The following KIF3C variants were observed in gnomAD, a reference collection of about 807,000 sequenced individuals.
KIF3C encodes kinesin family member 3C.
KIF3C carries 12 observed loss-of-function variants against 67.7 expected under a neutral mutation model. The ratio of observed to expected loss-of-function variants is 0.18; its 90% CI spans 0.11 to 0.29. KIF3C has a LOEUF of 0.29. Among genes scored for constraint, KIF3C ranks in the 10% least tolerant of loss-of-function variants. The pLI, the probability that KIF3C is intolerant of heterozygous loss-of-function variation, is 1.00. For synonymous variants in KIF3C, 393 were observed against 426.2 expected, an observed-to-expected ratio of 0.92 and a Z score of 0.96; for missense variants, 789 against 1,059.6, an observed-to-expected ratio of 0.74 and a Z score of 3.55.
Position 25,982,402 on chromosome 2 carries a change from C to T in KIF3C, c.-485G>A, listed in dbSNP as rs73920220. 17 of 398,542 alleles carry T rather than the reference C, an allele frequency of 4.3e-5. No homozygotes were observed. Among genetic ancestry groups the T allele is most frequent in the Non-Finnish European group, 7.5e-5 (17 of 226,082 alleles). 24.7% of individuals were successfully genotyped at this position (398,542 alleles called of 1,614,324 possible). A position where few individuals can be genotyped will look rare whatever the true frequency, so the allele number is the denominator to read the frequency against. On this transcript the variant is annotated 5_prime_UTR_variant, in exon 1 of 8. The change creates a premature stop within an existing upstream ORF in the 5' untranslated region. Transcript: ENST00000264712. The stretch of plus-strand genomic sequence containing the variant: ...CAGAGGCTCACCTGGAGTCCTCCCC[C>T]CAAGCTGGGGGATCATTCATTGCAG...
intron 1 of KIF3C, among the ~76,000 whole-genome samples, chr2:25,976,885 T>C (rs1000983677): frequency 1.3e-5 from 2 of 152,238 alleles, no homozygotes; most frequent in Non-Finnish European, 2.9e-5. Flanking sequence ...CTGCAGTATG[T>C]ATACTGCGCA....
At position 25,980,286 on chromosome 2, in the gene KIF3C, C is replaced by T. The variant is rs114716666; in HGVS notation, c.1545+87G>A. On this transcript the variant is annotated intron_variant, in intron 1 of 7. Coordinates refer to ENST00000264712, the MANE Select transcript of KIF3C (RefSeq NM_002254.8). This position sits in a 1 kb window ranked among gnomAD's most constrained non-coding sequence, Gnocchi z 7.6. The stretch of plus-strand genomic sequence containing the variant: ...GCTGAGGGAGAACCTCCACTTCAGG[C>T]CAGGTCACAGACTCTCAAAGAAGAG... 1.3e-3 allele frequency: 1,433 copies of T among 1,112,120 alleles called. 11 individuals are homozygous for T. The African/African-American group carries it at 0.021, about 16-fold the overall frequency. The allele number at this position is 1,112,120 out of a possible 1,614,324, so 68.9% of individuals were successfully genotyped here.
chr2:25,949,845 C>A (rs1264839171), intron 5 of KIF3C, among the ~76,000 whole-genome samples: 1 of 150,618 alleles, frequency 6.6e-6, no homozygotes, highest in African/African-American at 2.4e-5. Context: ...GTAGCATGCA[C>A]CTGCAATCCC....
Position 25,929,296 on chromosome 2 carries a change from G to A in KIF3C, c.2288+9C>T. The A allele has an allele frequency of 6.2e-7, 1 of 1,612,952 alleles. No homozygotes were observed. The highest frequency in any genetic ancestry group is 8.5e-7 in the Non-Finnish European group (1 of 1,178,962). ...GTCCAGTGCTGCCTGGGACCATGGA[G>A]GTACTGACCAGGATCTGGACTTTCG... is the stretch of plus-strand genomic sequence containing the variant. On this transcript the variant is annotated intron_variant, in intron 7 of 7. Coordinates refer to ENST00000264712, the MANE Select transcript of KIF3C (RefSeq NM_002254.8).
chr2:25,973,242 G>A (rs566452781), intron 1 of KIF3C, among the ~76,000 whole-genome samples: 35 of 152,066 alleles, frequency 2.3e-4, no homozygotes, highest in Non-Finnish European at 4.0e-4. Context: ...ACTGGGGCAT[G>A]ATTGATGTGT....
chr2:25,962,974 A>AAT (rs1198089098), intron 1 of KIF3C, among the ~76,000 whole-genome samples: 10 of 39,856 alleles, frequency 2.5e-4, no homozygotes, highest in South Asian at 5.8e-4. Context: ...TATAATATAT[A>AAT]ATATATAATA....
Position 25,955,389 on chromosome 2 carries a change from TC to T in KIF3C, c.1770+151del. The stretch of plus-strand genomic sequence containing the variant: ...CCACCCCCAGCCCCCGCCTCCTGCC[TC>T]CCCCTGTTGCTCACCCCCGAGGCCA... On this transcript the variant is annotated intron_variant, in intron 3 of 7. Transcript: ENST00000264712. This position sits in a 1 kb window ranked among gnomAD's most constrained non-coding sequence, Gnocchi z 5.0. 1 of 789,058 alleles carries T rather than the reference TC, an allele frequency of 1.3e-6. No individual in the cohort carries two copies. The allele number at this position is 789,058 out of a possible 1,614,324, so 48.9% of individuals were successfully genotyped here. A position where few individuals can be genotyped will look rare whatever the true frequency, so the allele number is the denominator to read the frequency against.
rs910287611 is a variant in KIF3C at position 25,928,783 on chromosome 2, C to T, written c.*195G>A. 27 of 552,130 alleles carry T rather than the reference C, an allele frequency of 4.9e-5. No homozygotes were observed. Among genetic ancestry groups the T allele is most frequent in the Non-Finnish European group, 7.4e-5 (23 of 310,460 alleles). The allele number at this position is 552,130 out of a possible 1,614,324, so 34.2% of individuals were successfully genotyped here. A position where few individuals can be genotyped will look rare whatever the true frequency, so the allele number is the denominator to read the frequency against. On this transcript the variant is annotated 3_prime_UTR_variant, in exon 8 of 8. Coordinates refer to ENST00000264712, the MANE Select transcript of KIF3C (RefSeq NM_002254.8). Reference sequence around the variant, plus strand: ...TCTCCCCAACACGAACAGAGCTCCGCGAATAAATAACATGAATTAAATAAA... The same window carrying T: ...TCTCCCCAACACGAACAGAGCTCCGTGAATAAATAACATGAATTAAATAAA...
At chr2:25,932,152 C>G (rs2090465880) in intron 5 of KIF3C, among the ~76,000 whole-genome samples, 1 of 151,906 alleles carries the variant, frequency 6.6e-6, no homozygotes, top group Admixed American at 6.6e-5. Flanking sequence ...CAGGCGCATG[C>G]CACCACATCC....
At chr2:25,973,286 GCTCAT>G (rs978746265) in intron 1 of KIF3C, among the ~76,000 whole-genome samples, 1 of 152,090 alleles carries the variant, frequency 6.6e-6, no homozygotes, top group African/African-American at 2.4e-5. Flanking sequence ...AGGCACGGTG[GCTCAT>G]GCCTGTAATC....
intron 1 of KIF3C, among the ~76,000 whole-genome samples, chr2:25,974,231 A>C (rs536328072): frequency 6.6e-6 from 1 of 151,830 alleles, no homozygotes; most frequent in Non-Finnish European, 1.5e-5. Flanking sequence ...CACCAAGCCC[A>C]CCTAATTTTT....
At chr2:25,939,693 T>C (rs1206689899) in intron 5 of KIF3C, among the ~76,000 whole-genome samples, 1 of 152,058 alleles carries the variant, frequency 6.6e-6, no homozygotes, top group Non-Finnish European at 1.5e-5. Context: ...GGCTTACACC[T>C]GTAAGCCCAG....
intron 3 of KIF3C, among the ~76,000 whole-genome samples, chr2:25,954,769 G>A (rs1167158198): frequency 6.6e-6 from 1 of 152,190 alleles, no homozygotes; most frequent in African/African-American, 2.4e-5. Context: ...ACTAGGACCC[G>A]GGGCTTATTT....
chr2:25,970,213 T>C (rs1164295104), intron 1 of KIF3C, among the ~76,000 whole-genome samples: 2 of 152,194 alleles, frequency 1.3e-5, no homozygotes. Flanking sequence ...TCATGGGTTA[T>C]GGAGTCAGGC....
At chr2:25,971,870 G>GGTTTTTTTT (rs1559557761) in intron 1 of KIF3C, among the ~76,000 whole-genome samples, 1 of 63,938 alleles carries the variant, frequency 1.6e-5, no homozygotes, top group Non-Finnish European at 3.8e-5. Context: ...ACCATGCCTA[G>GGTTTTTTTT]CTTTTTTTTT....
At chr2:25,941,294 A>G (rs1398402668) in intron 5 of KIF3C, among the ~76,000 whole-genome samples, 1 of 152,020 alleles carries the variant, frequency 6.6e-6, no homozygotes, top group Non-Finnish European at 1.5e-5. Flanking sequence ...ACACAGTGAG[A>G]CCCTGTCTCA....
chr2:25,953,224 G>A (rs1663681603), intron 4 of KIF3C, among the ~76,000 whole-genome samples: 1 of 150,616 alleles, frequency 6.6e-6, no homozygotes, highest in African/African-American at 2.4e-5. Context: ...AGCCAAGACT[G>A]CACCACTGCA....
Position 25,981,944 on chromosome 2 carries a change from G to C in KIF3C, c.-27C>G, listed in dbSNP as rs757782078. The C allele has an allele frequency of 1.3e-6, 2 of 1,504,958 alleles. No homozygotes were observed. The highest frequency in any genetic ancestry group is 1.8e-6 in the Non-Finnish European group (2 of 1,130,546). The allele number at this position is 1,504,958 out of a possible 1,614,324, so 93.2% of individuals were successfully genotyped here. On this transcript the variant is annotated 5_prime_UTR_variant, in exon 1 of 8. Coordinates refer to ENST00000264712, the MANE Select transcript of KIF3C (RefSeq NM_002254.8). The surrounding 1 kb of genome is among the most constrained non-coding windows in gnomAD (Gnocchi z 8.2). ...TTGCTGCTCTGACCTTCCTGCCCCCGAGCCCCTCCGCAGCCTGGGCGGTCC... is the reference window on the plus strand; with the variant it reads ...TTGCTGCTCTGACCTTCCTGCCCCCCAGCCCCTCCGCAGCCTGGGCGGTCC...
chr2:25,926,979 C>T lies in KIF3C; in HGVS notation c.*1999G>A, dbSNP rs1009539751. ...CCAGCCACTCCTGGTGGCCCTGTTC[C>T]CAGCAGATCTTACACTGAGTGTAGA... On this transcript the variant is annotated 3_prime_UTR_variant, in exon 8 of 8. Coordinates refer to ENST00000264712, the MANE Select transcript of KIF3C (RefSeq NM_002254.8). 7.2e-5 allele frequency: 11 copies of T among 152,484 alleles called. No homozygotes were observed. The highest frequency in any genetic ancestry group is 2.7e-4 in the African/African-American group (11 of 41,408). The allele number at this position is 152,484 out of a possible 1,614,324, so 9.4% of individuals were successfully genotyped here.
Sources: allele counts gnomAD v4.1 joint callset (sites outside exome capture counted in the v4.1 genomes callset), GRCh38; gene constraint gnomAD v4.1.1; non-coding constraint Gnocchi (gnomAD v3.1); transcripts MANE v1.5; gene names NCBI Gene and HGNC (gene_info 2026-07-23, HGNC 2026-07-21).